Variants in XKR4 observed in about 807,000 individuals in gnomAD.
The protein encoded by XKR4 is XK related 4.
XKR4 carries 12 observed loss-of-function variants against 53.9 expected under a neutral mutation model. The observed-to-expected ratio is 0.22, with a 90% CI of 0.14 to 0.36. The LOEUF (loss-of-function observed/expected upper bound fraction) is 0.36. Among genes scored for constraint, XKR4 ranks in the 10% least tolerant of loss-of-function variants. The pLI is 1.00. For missense variants in XKR4, 799 were observed against 859.5 expected (o/e 0.93, Z 0.88); for synonymous variants, 354 against 362.4 (o/e 0.98, Z 0.26).
At chr8:55,231,973 G>A (rs1234289726) in intron 1 of XKR4, among the ~76,000 whole-genome samples, 1 of 152,208 alleles carries the variant, frequency 6.6e-6, no homozygotes, top group Non-Finnish European at 1.5e-5. Flanking sequence ...GATTCATTTA[G>A]TTGTGACTGA....
chr8:55,375,679 A>G (rs1804134671), intron 2 of XKR4, among the ~76,000 whole-genome samples: 1 of 151,584 alleles, frequency 6.6e-6, no homozygotes, highest in Admixed American at 6.6e-5. Flanking sequence ...TTTGAAAATA[A>G]TATTTATGAG....
At chr8:55,404,281 A>T (rs772557343) in intron 2 of XKR4, among the ~76,000 whole-genome samples, 12 of 152,222 alleles carry the variant, frequency 7.9e-5, no homozygotes, top group African/African-American at 1.2e-4. Flanking sequence ...ATAGATAGGT[A>T]GATAATAGAT....
intron 1 of XKR4, among the ~76,000 whole-genome samples, chr8:55,153,061 T>C (rs1316748149): frequency 1.6e-4 from 25 of 152,274 alleles, no homozygotes; most frequent in Non-Finnish European, 1.5e-5. Flanking sequence ...GGAGCTCCCA[T>C]AGGAGGATCC....
At chr8:55,338,917 A>G (rs1430047652) in intron 1 of XKR4, among the ~76,000 whole-genome samples, 1 of 152,244 alleles carries the variant, frequency 6.6e-6, no homozygotes, top group African/African-American at 2.4e-5. Flanking sequence ...GAAGTTGAGC[A>G]ATAAGTAAAT....
intron 2 of XKR4, among the ~76,000 whole-genome samples, chr8:55,482,436 A>G (rs1035872202): frequency 2.0e-5 from 3 of 152,126 alleles, no homozygotes; most frequent in Non-Finnish European, 4.4e-5. Context: ...TAGGAGATAT[A>G]CCTAATGCTA....
intron 2 of XKR4, among the ~76,000 whole-genome samples, chr8:55,392,158 C>G (rs1285663023): frequency 6.6e-6 from 1 of 152,098 alleles, no homozygotes; most frequent in African/African-American, 2.4e-5. Context: ...TGGATGTCCT[C>G]TAAAAAGGCA....
chr8:55,217,334 G>A (rs1417169752), intron 1 of XKR4, among the ~76,000 whole-genome samples: 1 of 151,012 alleles, frequency 6.6e-6, no homozygotes, highest in African/African-American at 2.4e-5. Context: ...AACTACATTA[G>A]TAATCTGAGA....
intron 2 of XKR4, among the ~76,000 whole-genome samples, chr8:55,487,312 T>G (rs1281590762): frequency 1.3e-5 from 2 of 152,160 alleles, no homozygotes; most frequent in African/African-American, 4.8e-5. Context: ...TTATTTGTTC[T>G]CTATGAGCCC....
intron 2 of XKR4, among the ~76,000 whole-genome samples, chr8:55,399,669 T>G (rs1231245200): frequency 6.6e-6 from 1 of 152,182 alleles, no homozygotes; most frequent in Non-Finnish European, 1.5e-5. Context: ...AGCTCTGACA[T>G]GGGCGCTCGT....
chr8:55,450,115 G>C (rs1252856694), intron 2 of XKR4: 3 of 702,204 alleles, frequency 4.3e-6, no homozygotes, highest in East Asian at 5.9e-5. Flanking sequence ...CCAGCGCTTA[G>C]CGGGTCGGCT....
At position 55,160,461 on chromosome 8, in the gene XKR4, G is replaced by C. The variant is rs1816968756; in HGVS notation, c.806+57167G>C. ...AGAGGCAGGGGTAATTTAGTGGGAT[G>C]GTGGGCCTAAGATTTCAGATTGGTT... On this transcript the variant is annotated intron_variant, in intron 1 of 2. Coordinates refer to ENST00000327381, the MANE Select transcript of XKR4 (RefSeq NM_052898.2). 2.0e-5 allele frequency among the ~76,000 whole-genome samples: 3 copies of C among 152,278 alleles called. No individual in the cohort carries two copies. In the South Asian group the frequency reaches 6.2e-4, roughly 32 times the overall value.
intron 1 of XKR4, among the ~76,000 whole-genome samples, chr8:55,147,781 C>T (rs1362336905): frequency 6.6e-6 from 1 of 152,124 alleles, no homozygotes; most frequent in African/African-American, 2.4e-5. Context: ...GTCCTGTGGG[C>T]CTATTTTGTC....
chr8:55,224,255 A>T lies in XKR4; in HGVS notation c.806+120961A>T, dbSNP rs192982902. Among the ~76,000 whole-genome samples, 146 of 152,324 alleles carry T rather than the reference A, an allele frequency of 9.6e-4. 1 individual carries two copies. The highest frequency in any genetic ancestry group is 3.4e-3 in the African/African-American group (143 of 41,588). ...TATTAAATTTCTACCTTTTAAAATT[A>T]GTTCCAATTAATCGAGTCCAGTTTA... On this transcript the variant is annotated intron_variant, in intron 1 of 2. Coordinates refer to ENST00000327381, the MANE Select transcript of XKR4 (RefSeq NM_052898.2).
intron 1 of XKR4, among the ~76,000 whole-genome samples, chr8:55,220,410 C>T (rs769403003): frequency 1.8e-4 from 27 of 152,278 alleles, no homozygotes; most frequent in Admixed American, 7.2e-4. Flanking sequence ...AATGCTGCAA[C>T]GCCAATGAAA....
intron 1 of XKR4, among the ~76,000 whole-genome samples, chr8:55,247,864 T>TCTTTCTTTCTTTC (rs1440262405): frequency 4.4e-4 from 55 of 125,998 alleles, no homozygotes; most frequent in East Asian, 6.4e-4. Context: ...TCTTTTTTTT[T>TCTTTCTTTCTTTC]TTTTTTTTTT....
intron 1 of XKR4, among the ~76,000 whole-genome samples, chr8:55,109,158 G>A (rs911105440): frequency 6.6e-6 from 1 of 152,072 alleles, no homozygotes; most frequent in African/African-American, 2.4e-5. Context: ...AGATCAACTG[G>A]GCTTCCTTAG....
rs1051331932 is a variant in XKR4, at chr8:55,538,380, C to T, written c.*14153C>T. 6.6e-6 allele frequency: 1 copy of T among 152,228 alleles called. No homozygotes were observed. The highest frequency in any genetic ancestry group is 2.4e-5 in the African/African-American group (1 of 41,446). 9.4% of individuals were successfully genotyped at this position (152,228 alleles called of 1,614,324 possible). A position where few individuals can be genotyped will look rare whatever the true frequency, so the allele number is the denominator to read the frequency against. On this transcript the variant is annotated 3_prime_UTR_variant, in exon 3 of 3. Coordinates refer to ENST00000327381, the MANE Select transcript of XKR4 (RefSeq NM_052898.2). ...TGTCATTCCTGAGAACTGGCATTAA[C>T]AGAAGAGAGCTGTGTGCAGCACGGA...
chr8:55,433,412 GATA>G (rs974427613), intron 2 of XKR4, among the ~76,000 whole-genome samples: 2 of 152,296 alleles, frequency 1.3e-5, no homozygotes, highest in South Asian at 2.1e-4. Context: ...TATAGGAAGA[GATA>G]ATAATAATAA....
At position 55,447,055 on chromosome 8, in the gene XKR4, GAAA is replaced by G. The variant is rs5891573; in HGVS notation, c.1007-76212_1007-76210del. Among the ~76,000 whole-genome samples, 580 of 132,374 alleles carry G rather than the reference GAAA, an allele frequency of 4.4e-3. 5 individuals carry two copies. Among genetic ancestry groups the G allele is most frequent in the African/African-American group, 0.015 (551 of 37,790 alleles). 86.8% of individuals were successfully genotyped at this position (132,374 alleles called of 152,430 possible). On this transcript the variant is annotated intron_variant, in intron 2 of 2. Transcript: ENST00000327381. ...ATGATGGTATAGCCTACCTGATTGG[GAAA>G]AAAAAAAAAAAAAGCAGAGGTTAGG...
Sources: gnomAD v4.1 joint callset for allele counts (sites outside exome capture counted in the v4.1 genomes callset) on GRCh38, gnomAD v4.1.1 for gene constraint, MANE v1.5 for transcripts, NCBI Gene and HGNC (gene_info 2026-07-23, HGNC 2026-07-21) for gene names.